DHX35: variants seen among roughly 807,000 people sequenced by gnomAD.
DHX35 encodes the protein DEAH-box helicase 35.
Under a neutral mutation model 99.6 loss-of-function variants are expected in DHX35, and 84 were observed. That is an observed-to-expected ratio of 0.84 (90% CI 0.71 to 1.01). DHX35 has a LOEUF of 1.01. Ranked by LOEUF, DHX35 falls within the 50% of genes least tolerant of loss-of-function variation. The pLI is 0.00. For synonymous variants in DHX35, 331 were observed against 316.2 expected (o/e 1.05, Z -0.50); for missense variants, 852 against 888.5 (o/e 0.96, Z 0.52).
Position 38,994,986 on chromosome 20 carries a change from A to G in DHX35, c.642+106A>G, listed in dbSNP as rs1164622928. On this transcript the variant is annotated intron_variant, in intron 8 of 21. Transcript: ENST00000252011. Reference sequence around the variant, plus strand: ...GAGCTTATCTTTGGCAGAATGCCCTATCTTCTTTATGGGACCATCTGATGT... The same window carrying G: ...GAGCTTATCTTTGGCAGAATGCCCTGTCTTCTTTATGGGACCATCTGATGT... 1.7e-5 allele frequency: 16 copies of G among 927,048 alleles called. No homozygotes were observed. In the East Asian group the frequency reaches 2.2e-4, roughly 13 times the overall value. 57.4% of individuals were successfully genotyped at this position (927,048 alleles called of 1,614,324 possible).
intron 1 of DHX35, 122 bp from the exon 2 acceptor site, chr20:38,968,959 A>C: frequency 8.6e-7 from 1 of 1,164,436 alleles, no homozygotes; most frequent in Non-Finnish European, 1.2e-6. Context: ...AATACCTTTG[A>C]GTAGTTTGAG....
chr20:38,983,521 A>G (rs2086204617), intron 3 of DHX35, among the ~76,000 whole-genome samples, 178 bp from the exon 4 acceptor site: 1 of 152,264 alleles, frequency 6.6e-6, no homozygotes, highest in South Asian at 2.1e-4. Flanking sequence ...TAAGTAAATC[A>G]CCTAACATTA....
At chr20:38,999,244 C>T (rs771132837) in intron 8 of DHX35, among the ~76,000 whole-genome samples, 1 of 151,982 alleles carries the variant, frequency 6.6e-6, no homozygotes, top group Non-Finnish European at 1.5e-5. Flanking sequence ...CTTGTCCAAG[C>T]CCTTTGGTAA....
At chr20:38,997,701 T>C (rs2145886603) in intron 8 of DHX35, among the ~76,000 whole-genome samples, 1 of 152,228 alleles carries the variant, frequency 6.6e-6, no homozygotes, top group East Asian at 1.9e-4. Context: ...GAGTCATCTC[T>C]GTGTGGGTTG....
Position 38,975,371 on chromosome 20 carries a change from T to C in DHX35, c.267+2720T>C, listed in dbSNP as rs181483567. Among the ~76,000 whole-genome samples, 24 of 152,354 alleles carry C rather than the reference T, an allele frequency of 1.6e-4. No individual in the cohort carries two copies. In the East Asian group the frequency reaches 4.2e-3, roughly 27 times the overall value. ...GGAGAAAGGTTAAATTACTGTGTGA[T>C]TGTCATTTAGAGAGTAATATAACAA... On this transcript the variant is annotated intron_variant, in intron 3 of 21. Coordinates refer to ENST00000252011, the MANE Select transcript of DHX35 (RefSeq NM_021931.4).
chr20:39,034,590 ATTTT>A (rs58827630), intron 21 of DHX35, among the ~76,000 whole-genome samples: 5 of 136,374 alleles, frequency 3.7e-5, no homozygotes, highest in Non-Finnish European at 6.3e-5. Flanking sequence ...CTTCCAAACT[ATTTT>A]TTTTTTTTTT....
intron 3 of DHX35, among the ~76,000 whole-genome samples, chr20:38,976,675 G>A (rs1003797568): frequency 3.9e-5 from 6 of 152,236 alleles, no homozygotes; most frequent in Non-Finnish European, 7.4e-5. Flanking sequence ...CTGCTGTGCA[G>A]TAGAACACCA....
At chr20:39,005,083 A>G (rs1475067284) in intron 11 of DHX35, among the ~76,000 whole-genome samples, 1 of 152,202 alleles carries the variant, frequency 6.6e-6, no homozygotes, top group African/African-American at 2.4e-5. Context: ...ATAGCATAAC[A>G]TCTTAATCCC....
intron 5 of DHX35, 103 bp from the exon 6 acceptor site, chr20:38,991,351 C>G: frequency 1.1e-6 from 1 of 947,716 alleles, no homozygotes; most frequent in Admixed American, 2.8e-5. Context: ...TGGGAATTTA[C>G]TTGTACACAT....
chr20:38,989,160 C>T (rs1176789540), intron 5 of DHX35, among the ~76,000 whole-genome samples: 3 of 147,750 alleles, frequency 2.0e-5, no homozygotes, highest in East Asian at 2.0e-4. Flanking sequence ...TGCGGTGGCA[C>T]GATCTCTGCT....
At chr20:39,029,296 T>C (rs1458089720) in intron 19 of DHX35, 3 of 151,862 alleles carry the variant, frequency 2.0e-5, no homozygotes, top group South Asian at 2.1e-4. Flanking sequence ...TTGTCATTAA[T>C]TTTTTTTCCC....
At position 39,025,239 on chromosome 20, in the gene DHX35, G is replaced by C; in HGVS notation, c.1681G>C (p.Asp561His). The change falls in exon 18 of 22, where the codon GAC becomes CAC. Residue 561 changes from aspartate to histidine, a missense_variant. By Grantham distance (81) the Asp-to-His change is moderately conservative. Coordinates refer to ENST00000252011, the MANE Select transcript of DHX35 (RefSeq NM_021931.4). ...IYEAFIKHNK[D>H]SKWCQEHFLN... ...CTGGGTTGTTCTGTAGCACAATAAG[G>C]ACTCTAAATGGTGTCAGGAACATTT... 6.2e-7 allele frequency: 1 copy of C among 1,611,624 alleles called. No homozygotes were observed. Among genetic ancestry groups the C allele is most frequent in the South Asian group, 1.1e-5 (1 of 90,482 alleles).
At chr20:39,003,187 C>T (rs898531464) in intron 10 of DHX35, among the ~76,000 whole-genome samples, 1 of 152,142 alleles carries the variant, frequency 6.6e-6, no homozygotes, top group African/African-American at 2.4e-5. Context: ...GTCCTGCACA[C>T]ATGTTGCTGC....
rs1291523877 is a variant in DHX35, at chr20:38,985,441, T to C, written c.345+1665T>C. ...GGGCCTTTAGTTTGTGGCCTTTACC[T>C]GGACAAACAATTAATTCTATTTCCC... On this transcript the variant is annotated intron_variant, in intron 4 of 21. Transcript: ENST00000252011. Among the ~76,000 whole-genome samples, 4 of 152,018 alleles carry C rather than the reference T, an allele frequency of 2.6e-5. No homozygotes were observed. In the East Asian group the frequency reaches 7.7e-4, roughly 29 times the overall value.
intron 17 of DHX35, 60 bp from the exon 18 acceptor site, chr20:39,025,170 C>T (rs888417376): frequency 6.5e-7 from 1 of 1,538,414 alleles, no homozygotes; most frequent in Non-Finnish European, 8.8e-7. Flanking sequence ...ATCTTTACAA[C>T]ATAGCCTTAG....
chr20:39,026,011 G>T (rs551808537), intron 18 of DHX35, among the ~76,000 whole-genome samples: 1 of 152,200 alleles, frequency 6.6e-6, no homozygotes, highest in Admixed American at 6.5e-5. Flanking sequence ...CCACGCAACT[G>T]GTAAGGAGGA....
intron 1 of DHX35, among the ~76,000 whole-genome samples, chr20:38,965,838 C>T (rs1006189548): frequency 3.9e-5 from 6 of 152,282 alleles, no homozygotes; most frequent in Admixed American, 2.6e-4. Flanking sequence ...ACACGTGGAT[C>T]CGAAGGGCCT....
intron 21 of DHX35, among the ~76,000 whole-genome samples, chr20:39,036,461 C>T (rs1026221176): frequency 2.6e-5 from 4 of 152,146 alleles, no homozygotes; most frequent in African/African-American, 4.8e-5. Flanking sequence ...CACGGTGGCT[C>T]ACGCCTGTAA....
At chr20:38,993,482 T>C (rs2086373619) in intron 7 of DHX35, among the ~76,000 whole-genome samples, 1 of 152,090 alleles carries the variant, frequency 6.6e-6, no homozygotes, top group Admixed American at 6.5e-5. Flanking sequence ...GCCTCAGCCT[T>C]CCCGAGTAGC....
Sources: gnomAD v4.1 joint callset for allele counts (sites outside exome capture counted in the v4.1 genomes callset) on GRCh38, gnomAD v4.1.1 for gene constraint, MANE v1.5 for transcripts, NCBI Gene and HGNC (gene_info 2026-07-23, HGNC 2026-07-21) for gene names.